Variants in SEMA3C observed in about 807,000 individuals in gnomAD.
SEMA3C encodes the protein semaphorin 3C.
A neutral mutation model predicts 89.4 loss-of-function variants in SEMA3C; 47 were observed. The observed-to-expected ratio is 0.53, with a 90% CI of 0.42 to 0.67. The LOEUF (loss-of-function observed/expected upper bound fraction) is 0.67, where lower values mean the gene tolerates loss of function less well. Ranked by LOEUF, SEMA3C falls within the 30% of genes least tolerant of loss-of-function variation. The probability of loss-of-function intolerance (pLI) is 0.00; values close to 1 mark genes in which losing one functional copy is unlikely to be tolerated. For missense variants in SEMA3C, 839 were observed against 929.1 expected (o/e 0.90, Z 1.26); for synonymous variants, 310 against 320.2 (o/e 0.97, Z 0.34).
intron 7 of SEMA3C, 102 bp from the exon 8 acceptor site, chr7:80,804,350 A>G: frequency 1.4e-6 from 1 of 729,824 alleles, no homozygotes; most frequent in Non-Finnish European, 2.0e-6. Context: ...CTTTGGTAGA[A>G]AAAAACAATT....
intron 2 of SEMA3C, among the ~76,000 whole-genome samples, chr7:80,873,605 G>C (rs1051107730): frequency 1.3e-5 from 2 of 152,176 alleles, no homozygotes; most frequent in African/African-American, 4.8e-5. Flanking sequence ...TGCATTTTCA[G>C]AGTTGAAGCT....
chr7:80,863,867 CATAT>C (rs571710666), intron 2 of SEMA3C, among the ~76,000 whole-genome samples: 2 of 141,774 alleles, frequency 1.4e-5, no homozygotes, highest in Non-Finnish European at 3.0e-5. Flanking sequence ...ATATGTATCA[CATAT>C]ATATGTATCA....
intron 12 of SEMA3C, among the ~76,000 whole-genome samples, chr7:80,781,416 T>C (rs1179962230): frequency 6.6e-6 from 1 of 152,174 alleles, no homozygotes; most frequent in African/African-American, 2.4e-5. Context: ...AGAAACTCTG[T>C]TTTCAGATCT....
At chr7:80,871,664 G>A (rs948797520) in intron 2 of SEMA3C, among the ~76,000 whole-genome samples, 1 of 152,118 alleles carries the variant, frequency 6.6e-6, no homozygotes, top group African/African-American at 2.4e-5. Context: ...GGGCATAAAT[G>A]CTTAAGGTGG....
At chr7:80,769,330 G>A (rs1248988594) in intron 12 of SEMA3C, among the ~76,000 whole-genome samples, 1 of 152,092 alleles carries the variant, frequency 6.6e-6, no homozygotes, top group African/African-American at 2.4e-5. Context: ...AAATAAAACT[G>A]CATAAAAACA....
chr7:80,886,445 C>G (rs1791481238), intron 2 of SEMA3C, among the ~76,000 whole-genome samples: 1 of 151,838 alleles, frequency 6.6e-6, no homozygotes, highest in Non-Finnish European at 1.5e-5. Context: ...CCTCCGCCTC[C>G]TGGGTTCAAG....
chr7:80,865,267 A>C (rs1401317465), intron 2 of SEMA3C, among the ~76,000 whole-genome samples: 1 of 152,154 alleles, frequency 6.6e-6, no homozygotes, highest in Non-Finnish European at 1.5e-5. Context: ...AGATACAGAA[A>C]CTTTTTTTTA....
intron 2 of SEMA3C, among the ~76,000 whole-genome samples, chr7:80,890,320 T>G (rs73374868): frequency 0.027 from 4,177 of 152,234 alleles, 169 homozygotes; most frequent in African/African-American, 0.091. Context: ...CATTCCCAAA[T>G]ATTTCTCCCT....
At chr7:80,919,096 C>T (rs2116270240), upstream of SEMA3C, 3 of 985,082 alleles carry the variant, frequency 3.0e-6, no homozygotes, top group Non-Finnish European at 3.6e-6. Flanking sequence ...TCTTGGTGTC[C>T]GATTACAGCG....
chr7:80,769,343 T>C lies in SEMA3C; in HGVS notation c.1355-4100A>G, dbSNP rs138281870. On this transcript the variant is annotated intron_variant, in intron 12 of 17. Coordinates refer to ENST00000265361, the MANE Select transcript of SEMA3C (RefSeq NM_006379.5). The stretch of plus-strand genomic sequence containing the variant: ...CCAAATAAAACTGCATAAAAACAGG[T>C]TTTGCTTAGAAAGGTTCTGATAGAT... 9.9e-5 allele frequency among the ~76,000 whole-genome samples: 15 copies of C among 152,118 alleles called. No homozygotes were observed. In the East Asian group the frequency reaches 2.9e-3, roughly 30 times the overall value.
intron 2 of SEMA3C, among the ~76,000 whole-genome samples, chr7:80,857,039 G>A (rs936228608): frequency 6.6e-6 from 1 of 151,968 alleles, no homozygotes; most frequent in African/African-American, 2.4e-5. Context: ...ACATGCGACT[G>A]CATAATGGGA....
At chr7:80,754,918 C>CA (rs1788020153) in intron 15 of SEMA3C, among the ~76,000 whole-genome samples, 1 of 136,902 alleles carries the variant, frequency 7.3e-6, no homozygotes, top group Non-Finnish European at 1.6e-5. Flanking sequence ...TCTGGGATTA[C>CA]AGATGCCTGC....
At chr7:80,809,591 A>C (rs1203087673) in intron 6 of SEMA3C, among the ~76,000 whole-genome samples, 1 of 152,080 alleles carries the variant, frequency 6.6e-6, no homozygotes, top group East Asian at 1.9e-4. Flanking sequence ...GCTTGTTATC[A>C]TTTGTATTTT....
chr7:80,776,569 T>C (rs1788553570), intron 12 of SEMA3C, among the ~76,000 whole-genome samples: 1 of 152,204 alleles, frequency 6.6e-6, no homozygotes, highest in African/African-American at 2.4e-5. Flanking sequence ...CCTTTCCTTA[T>C]TTGTCTCTTC....
intron 8 of SEMA3C, among the ~76,000 whole-genome samples, chr7:80,803,443 A>G (rs1789260946): frequency 6.6e-6 from 1 of 152,184 alleles, no homozygotes; most frequent in Non-Finnish European, 1.5e-5. Context: ...GTGGAGTATT[A>G]TAATATATAA....
Position 80,908,849 on chromosome 7 carries a change from T to C in SEMA3C, c.103+7830A>G, listed in dbSNP as rs568244683. On this transcript the variant is annotated intron_variant, in intron 2 of 17. Coordinates refer to ENST00000265361, the MANE Select transcript of SEMA3C (RefSeq NM_006379.5). ...AGTGTTACAATAATGTTTTAAGTAA[T>C]AAAGTGTTCACCAAACTAATGATCC... Among the ~76,000 whole-genome samples the C allele has an allele frequency of 2.0e-5, 3 of 152,262 alleles. No homozygotes were observed. In the East Asian group the frequency reaches 5.8e-4, roughly 29 times the overall value.
chr7:80,875,225 T>C (rs987576719), intron 2 of SEMA3C, among the ~76,000 whole-genome samples: 2 of 152,136 alleles, frequency 1.3e-5, no homozygotes, highest in African/African-American at 2.4e-5. Flanking sequence ...ACCAGCAACA[T>C]GATTCTTAGA....
At chr7:80,883,342 T>A (rs62460752) in intron 2 of SEMA3C, among the ~76,000 whole-genome samples, 1,950 of 152,250 alleles carry the variant, frequency 0.013, 21 homozygotes, top group Middle Eastern at 0.027. Flanking sequence ...AGCACACACC[T>A]TAGCAGGACC....
At chr7:80,765,280 C>T (rs775570716) in intron 12 of SEMA3C, 37 bp from the exon 13 acceptor site, 9 of 1,473,392 alleles carry the variant, frequency 6.1e-6, no homozygotes, top group Non-Finnish European at 8.5e-6. Context: ...TGTTACAATA[C>T]TTTTTAAAAG....
Sources: gnomAD v4.1 joint callset for allele counts (sites outside exome capture counted in the v4.1 genomes callset) on GRCh38, gnomAD v4.1.1 for gene constraint, MANE v1.5 for transcripts, NCBI Gene and HGNC (gene_info 2026-07-23, HGNC 2026-07-21) for gene names.